The following TMCC1 variants were observed in gnomAD, a reference collection of about 807,000 sequenced individuals.
TMCC1 encodes the protein transmembrane and coiled-coil domains protein 1.
A neutral mutation model predicts 52.4 loss-of-function variants in TMCC1; 15 were observed. The observed-to-expected ratio is 0.29, with a 90% confidence interval of 0.19 to 0.44. The LOEUF is 0.44. Among genes scored for constraint, TMCC1 ranks in the 20% least tolerant of loss-of-function variants. The probability of loss-of-function intolerance (pLI) is 1.00; values close to 1 mark genes in which losing one functional copy is unlikely to be tolerated. For synonymous variants in TMCC1, 279 were observed against 301.9 expected, an observed-to-expected ratio of 0.92 and a Z score of 0.79; for missense variants, 503 against 806.0, an observed-to-expected ratio of 0.62 and a Z score of 4.55.
intron 5 of TMCC1, among the ~76,000 whole-genome samples, chr3:129,669,031 G>T (rs931408164): frequency 4.6e-5 from 7 of 152,170 alleles, no homozygotes; most frequent in African/African-American, 1.7e-4. Flanking sequence ...CTTCTCCCTT[G>T]AAGTCTTAAG....
intron 2 of TMCC1, among the ~76,000 whole-genome samples, chr3:129,845,677 G>C (rs1257196089): frequency 2.6e-5 from 4 of 152,154 alleles, no homozygotes; most frequent in East Asian, 1.9e-4. Context: ...CACTGATGTA[G>C]AAGTACCTGA....
At chr3:129,888,718 T>C (rs755149284) in intron 1 of TMCC1, among the ~76,000 whole-genome samples, 6 of 152,154 alleles carry the variant, frequency 3.9e-5, no homozygotes, top group Non-Finnish European at 8.8e-5. Flanking sequence ...CCACTAAGTG[T>C]GGGCTGTACA....
chr3:129,893,440 G>C (rs1352117528), intron 1 of TMCC1, 54 bp downstream of exon 1: 2 of 151,994 alleles, frequency 1.3e-5, no homozygotes, highest in African/African-American at 4.8e-5. Flanking sequence ...ACCGCGGAGG[G>C]CCGTGAGGGG....
intron 2 of TMCC1, among the ~76,000 whole-genome samples, chr3:129,839,435 G>A (rs1370458532): frequency 1.3e-5 from 2 of 151,598 alleles, no homozygotes; most frequent in African/African-American, 4.8e-5. Context: ...AAGTAAAATG[G>A]AATTAAAAAA....
intron 4 of TMCC1, among the ~76,000 whole-genome samples, chr3:129,744,293 TCAC>T (rs959500383): frequency 2.0e-5 from 3 of 152,142 alleles, no homozygotes; most frequent in Non-Finnish European, 4.4e-5. Flanking sequence ...CCATTTAACT[TCAC>T]CACTTTCTTT....
chr3:129,893,020 T>A lies in TMCC1; in HGVS notation c.-435+474A>T, dbSNP rs187673145. ...GAAAGACAGTTCAAAATCAAAACAA[T>A]AGGTGCAAAACTGGTTTCAGGTGGA... On this transcript the variant is annotated intron_variant, in intron 1 of 6. Coordinates refer to ENST00000393238, the MANE Select transcript of TMCC1 (RefSeq NM_001017395.5). Among the ~76,000 whole-genome samples the A allele has an allele frequency of 4.6e-5, 7 of 152,110 alleles. No individual in the cohort carries two copies. In the East Asian group the frequency reaches 1.4e-3, roughly 30 times the overall value.
At chr3:129,881,777 G>A (rs934589012) in intron 1 of TMCC1, among the ~76,000 whole-genome samples, 9 of 152,184 alleles carry the variant, frequency 5.9e-5, no homozygotes, top group Admixed American at 5.9e-4. Context: ...GGAAAGACGA[G>A]TGAATGTAAA....
At chr3:129,744,045 T>C (rs1393589972) in intron 4 of TMCC1, among the ~76,000 whole-genome samples, 4 of 152,204 alleles carry the variant, frequency 2.6e-5, no homozygotes, top group Non-Finnish European at 5.9e-5. Flanking sequence ...AATACTTTCT[T>C]TGAAATTATG....
chr3:129,661,824 G>C (rs1224446077), intron 5 of TMCC1, among the ~76,000 whole-genome samples: 4 of 151,788 alleles, frequency 2.6e-5, no homozygotes, highest in African/African-American at 9.7e-5. Flanking sequence ...AAAAAATTCT[G>C]TATTGTTAAT....
intron 2 of TMCC1, among the ~76,000 whole-genome samples, chr3:129,846,669 T>A: frequency 6.6e-6 from 1 of 152,024 alleles, no homozygotes; most frequent in South Asian, 2.1e-4. Context: ...AACCCAGTAA[T>A]AGGAAATCCA....
At chr3:129,653,853 G>C (rs553702561) in intron 6 of TMCC1, among the ~76,000 whole-genome samples, 1 of 152,110 alleles carries the variant, frequency 6.6e-6, no homozygotes, top group Non-Finnish European at 1.5e-5. Flanking sequence ...CTTGAAAATA[G>C]TGTAAAATAC....
chr3:129,828,504 C>T lies in TMCC1; in HGVS notation c.-126G>A. The T allele has an allele frequency of 2.3e-6, 2 of 853,402 alleles. No individual in the cohort carries two copies. Among genetic ancestry groups the T allele is most frequent in the Non-Finnish European group, 3.6e-6 (2 of 550,364 alleles). The allele number at this position is 853,402 out of a possible 1,614,324, so 52.9% of individuals were successfully genotyped here. On this transcript the variant is annotated 5_prime_UTR_variant, in exon 4 of 7. Coordinates refer to ENST00000393238, the MANE Select transcript of TMCC1 (RefSeq NM_001017395.5). The surrounding 1 kb of genome is among the most constrained non-coding windows in gnomAD (Gnocchi z 4.1). ...GCAGCTGTGAGACGAAGGCTTCATG[C>T]CTATCTAATGTTAAAAACAAAAAAA...
Position 129,808,174 on chromosome 3 carries a change from C to T in TMCC1, c.576+19629G>A, listed in dbSNP as rs569945288. On this transcript the variant is annotated intron_variant, in intron 4 of 6. Coordinates refer to ENST00000393238, the MANE Select transcript of TMCC1 (RefSeq NM_001017395.5). ...TCCAGCCTGGGTGACAGAGCAAGACCCTGTCTAAAAATATATATATAAATA... is the reference window on the plus strand; with the variant it reads ...TCCAGCCTGGGTGACAGAGCAAGACTCTGTCTAAAAATATATATATAAATA... 5.3e-5 allele frequency among the ~76,000 whole-genome samples: 8 copies of T among 151,598 alleles called. No homozygotes were observed. In the South Asian group the frequency reaches 1.7e-3, roughly 32 times the overall value.
At chr3:129,786,377 G>A (rs757671633) in intron 4 of TMCC1, among the ~76,000 whole-genome samples, 5 of 151,964 alleles carry the variant, frequency 3.3e-5, no homozygotes, top group Admixed American at 6.6e-5. Flanking sequence ...ATTTGCATAC[G>A]AAGGAATTCC....
intron 4 of TMCC1, among the ~76,000 whole-genome samples, chr3:129,805,319 C>A (rs137903864): frequency 2.0e-5 from 3 of 152,036 alleles, no homozygotes; most frequent in Non-Finnish European, 4.4e-5. Context: ...CAGGCCACCA[C>A]GCCTGGCTAT....
chr3:129,671,649 A>G (rs1576387935), intron 4 of TMCC1, among the ~76,000 whole-genome samples: 1 of 152,252 alleles, frequency 6.6e-6, no homozygotes, highest in Non-Finnish European at 1.5e-5. Context: ...GCATTTCAAT[A>G]TAATTATATG....
chr3:129,806,899 A>C (rs1470896617), intron 4 of TMCC1, among the ~76,000 whole-genome samples: 1 of 152,114 alleles, frequency 6.6e-6, no homozygotes, highest in African/African-American at 2.4e-5. Flanking sequence ...ACAGAGAGAA[A>C]ATAAGAAAGA....
chr3:129,676,738 T>C (rs1372982976), intron 4 of TMCC1, among the ~76,000 whole-genome samples: 1 of 152,212 alleles, frequency 6.6e-6, no homozygotes, highest in African/African-American at 2.4e-5. Flanking sequence ...TTTATCACCT[T>C]ACTAGCTGTG....
At position 129,774,231 on chromosome 3, in the gene TMCC1, T is replaced by C. The variant is rs370486031; in HGVS notation, c.576+53572A>G. 1.9e-4 allele frequency among the ~76,000 whole-genome samples: 29 copies of C among 152,334 alleles called. No individual in the cohort carries two copies. The East Asian group carries it at 4.8e-3, about 25-fold the overall frequency. ...TGCTGGGTCATGTGGAAAAGACTTA[T>C]GGGCCACTTCTGAGAATAATATTTA... On this transcript the variant is annotated intron_variant, in intron 4 of 6. Coordinates refer to ENST00000393238, the MANE Select transcript of TMCC1 (RefSeq NM_001017395.5).
Sources: gnomAD v4.1 joint callset for allele counts (sites outside exome capture counted in the v4.1 genomes callset) on GRCh38, gnomAD v4.1.1 for gene constraint, Gnocchi (gnomAD v3.1) non-coding constraint, MANE v1.5 for transcripts, NCBI Gene and HGNC (gene_info 2026-07-23, HGNC 2026-07-21) for gene names.